The following BRCA2 variants were observed in gnomAD, a reference collection of about 807,000 sequenced individuals.
BRCA2 encodes the protein breast cancer type 2 susceptibility protein.
A neutral mutation model predicts 276.7 loss-of-function variants in BRCA2; 203 were observed. The ratio of observed to expected loss-of-function variants is 0.73; its 90% CI spans 0.65 to 0.82. The LOEUF (loss-of-function observed/expected upper bound fraction) is 0.82. BRCA2 is among the 40% of genes least tolerant of loss of function. BRCA2 has a pLI of 0.00. For missense variants in BRCA2, 3,920 were observed against 3,915.0 expected, an observed-to-expected ratio of 1.00 and a Z score of -0.03; for synonymous variants, 1,289 against 1,338.4, an observed-to-expected ratio of 0.96 and a Z score of 0.81.
At chr13:32,350,317 T>C (rs2072638828) in intron 13 of BRCA2, among the ~76,000 whole-genome samples, 1 of 152,088 alleles carries the variant, frequency 6.6e-6, no homozygotes, top group African/African-American at 2.4e-5. Context: ...CTATAATTTG[T>C]GAACAGAATG....
chr13:32,344,903 T>C (rs2072601044), intron 12 of BRCA2, among the ~76,000 whole-genome samples: 1 of 152,168 alleles, frequency 6.6e-6, no homozygotes, highest in Non-Finnish European at 1.5e-5. Context: ...ATTAGTAATA[T>C]TATGCGTTGG....
At chr13:32,324,051 GT>G (rs2072325826) in intron 3 of BRCA2, among the ~76,000 whole-genome samples, 1 of 152,172 alleles carries the variant, frequency 6.6e-6, no homozygotes, top group Non-Finnish European at 1.5e-5. Flanking sequence ...TATTCATCCA[GT>G]CAATATTTCA....
At chr13:32,335,007 G>A (rs2072437132) in intron 10 of BRCA2, among the ~76,000 whole-genome samples, 1 of 152,096 alleles carries the variant, frequency 6.6e-6, no homozygotes, top group Admixed American at 6.6e-5. Context: ...ATTTTTAGAG[G>A]AAAATGTTTG....
At chr13:32,316,677 GT>G in intron 2 of BRCA2, 150 bp downstream of exon 2, 1 of 737,454 alleles carries the variant, frequency 1.4e-6, no homozygotes, top group Non-Finnish European at 2.3e-6. Context: ...CATAATCATC[GT>G]TTGCAGGTTA....
rs80359211 is a variant in BRCA2 at position 32,394,812 on chromosome 13, G to A, written c.9380G>A (p.Trp3127Ter). Reference protein sequence around the residue: ...HMLIAASNLQWRPESKSGLLT... With the variant: ...HMLIAASNLQ ...TTAATTGCTGCAAGCAACCTCCAGT[G>A]GCGACCAGAATCCAAATCAGGCCTT... Residue 3127 changes from tryptophan (W) to a stop codon, truncating the protein, a stop_gained, in exon 25 of 27, where the codon TGG becomes TAG. Coordinates refer to ENST00000380152, the MANE Select transcript of BRCA2 (RefSeq NM_000059.4). LOFTEE classifies it high-confidence loss of function. 2 of 1,614,070 alleles carry A rather than the reference G, an allele frequency of 1.2e-6. No homozygotes were observed. The highest frequency in any genetic ancestry group is 1.7e-6 in the Non-Finnish European group (2 of 1,179,994).
chr13:32,319,983 T>C (rs2072295918), intron 3 of BRCA2, among the ~76,000 whole-genome samples: 1 of 152,322 alleles, frequency 6.6e-6, no homozygotes, highest in Non-Finnish European at 1.5e-5. Flanking sequence ...TAGGCAATTA[T>C]TCCTTTGAGC....
At chr13:32,397,987 T>A (rs2073047455) in intron 26 of BRCA2, among the ~76,000 whole-genome samples, 175 bp from the exon 27 acceptor site, 1 of 152,196 alleles carries the variant, frequency 6.6e-6, no homozygotes, top group Non-Finnish European at 1.5e-5. Context: ...GTAAAATTAC[T>A]TTCATCTAGA....
rs397507977 is a variant in BRCA2, at chr13:32,363,529, T to G, written c.8327T>G (p.Leu2776Ter). Reference protein sequence around the residue: ...TPLEAPESLMLKISANSTRPA... With the variant: ...TPLEAPESLM ...CTTGAAGCCCCAGAATCTCTTATGT[T>G]AAAGGTAAATTAATTTGCACTCTTG... Residue 2776 changes from leucine (L) to a stop codon, truncating the protein, a stop_gained, in exon 18 of 27, where the codon TTA becomes TGA. Transcript: ENST00000380152. LOFTEE classifies it high-confidence loss of function. The G allele has an allele frequency of 6.2e-7, 1 of 1,611,750 alleles. No individual in the cohort carries two copies.
At position 32,330,983 on chromosome 13, in the gene BRCA2, C is replaced by T. The variant is rs2137461787; in HGVS notation, c.746C>T (p.Ser249Phe). ...SLKKNDRFIA[S>F]VTDSENTNQR... ...AAGAAAAATGATAGATTTATCGCTT[C>T]TGTGACAGACAGTGAAAACACAAAT... The change falls in exon 9 of 27, where the codon TCT (serine) becomes TTT (phenylalanine). Residue 249 changes from serine (S) to phenylalanine (F), a missense_variant. Physicochemically the swap from Ser to Phe is radical, Grantham distance 155. Transcript: ENST00000380152. The T allele has an allele frequency of 1.2e-6, 2 of 1,613,730 alleles. No individual in the cohort carries two copies. The highest frequency in any genetic ancestry group is 1.7e-6 in the Non-Finnish European group (2 of 1,179,726).
intron 18 of BRCA2, among the ~76,000 whole-genome samples, chr13:32,365,767 T>C (rs375209327): frequency 3.7e-4 from 55 of 150,566 alleles, no homozygotes; most frequent in African/African-American, 1.3e-3. Context: ...CTTTAATTCT[T>C]GGCCCAGATG....
In BRCA2 at chr13:32,340,069, A is replaced by T. The variant is rs80358796; in HGVS notation, c.5714A>T (p.His1905Leu). ...EALDDSEDIL[H>L]NSLDNDECST... ...TTGGATGATTCAGAGGATATTCTTC[A>T]TAACTCTCTAGATAATGATGAATGT... Residue 1905 changes from histidine (H) to leucine (L), a missense_variant, in exon 11 of 27, where the codon CAT becomes CTT. His to Leu is a moderately conservative substitution (Grantham distance 99, BLOSUM62 -3). Transcript: ENST00000380152. 3.1e-6 allele frequency: 5 copies of T among 1,613,912 alleles called. No homozygotes were observed. The highest frequency in any genetic ancestry group is 4.2e-6 in the Non-Finnish European group (5 of 1,179,876).
chr13:32,395,960 CTTTTTTTT>C (rs397838402), intron 25 of BRCA2: 10 of 79,176 alleles, frequency 1.3e-4, no homozygotes, highest in East Asian at 5.2e-4. Context: ...TTCTTTCTTT[CTTTTTTTT>C]TTTTTTTTTT....
At chr13:32,316,601 C>T in intron 2 of BRCA2, 74 bp downstream of exon 2, 1 of 1,232,942 alleles carries the variant, frequency 8.1e-7, no homozygotes. Flanking sequence ...GCTAAAAACC[C>T]AGTACGTCAC....
chr13:32,388,119 A>C, intron 24 of BRCA2, among the ~76,000 whole-genome samples: 1 of 60,624 alleles, frequency 1.6e-5, no homozygotes, highest in Non-Finnish European at 3.0e-5. Context: ...ATATGACCTC[A>C]TCTTTTTTTT....
At chr13:32,367,955 T>C (rs1214214722) in intron 18 of BRCA2, among the ~76,000 whole-genome samples, 2 of 146,668 alleles carry the variant, frequency 1.4e-5, no homozygotes, top group Non-Finnish European at 3.0e-5. Context: ...AATTAAAATA[T>C]AACCATTTCG....
At chr13:32,347,376 G>A (rs536380758) in intron 13 of BRCA2, among the ~76,000 whole-genome samples, 58 of 152,244 alleles carry the variant, frequency 3.8e-4, no homozygotes, top group African/African-American at 1.4e-3. Context: ...AAACAGAGAT[G>A]CTTTCCCCTA....
intron 13 of BRCA2, among the ~76,000 whole-genome samples, chr13:32,348,059 C>T (rs556129908): frequency 6.5e-4 from 99 of 151,244 alleles, no homozygotes; most frequent in African/African-American, 6.8e-4. Context: ...AAAAAATGGC[C>T]GTAAAATAAG....
chr13:32,361,527 G>A (rs1036752097), intron 16 of BRCA2, among the ~76,000 whole-genome samples: 1 of 152,028 alleles, frequency 6.6e-6, no homozygotes, highest in Non-Finnish European at 1.5e-5. Context: ...CTTGTTTTAA[G>A]GTAGAAAAAA....
chr13:32,367,998 A>ATT (rs2072796424), intron 18 of BRCA2, among the ~76,000 whole-genome samples: 1 of 78,234 alleles, frequency 1.3e-5, no homozygotes, highest in African/African-American at 4.7e-5. Context: ...TTTTCTTCTA[A>ATT]TTCTTTTTTT....
Sources: allele counts gnomAD v4.1 joint callset (sites outside exome capture counted in the v4.1 genomes callset), GRCh38; gene constraint gnomAD v4.1.1; transcripts MANE v1.5; gene names NCBI Gene and HGNC (gene_info 2026-07-23, HGNC 2026-07-21).